The following COL26A1 variants were observed in gnomAD, a reference collection of about 807,000 sequenced individuals.
The protein encoded by COL26A1 is collagen type XXVI alpha 1 chain, also known as collagen alpha-1(XXVI) chain.
A neutral mutation model predicts 59.3 loss-of-function variants in COL26A1; 41 were observed. That is an observed-to-expected ratio of 0.69 (90% CI 0.54 to 0.90). COL26A1 has a LOEUF of 0.90. COL26A1 is among the 40% of genes least tolerant of loss of function. The pLI is 0.00. For synonymous variants in COL26A1, 266 were observed against 256.0 expected (o/e 1.04, Z -0.37); for missense variants, 612 against 602.3 (o/e 1.02, Z -0.17).
chr7:101,367,671 GAAAA>G (rs60293558), intron 1 of COL26A1, among the ~76,000 whole-genome samples: 1,183 of 111,704 alleles, frequency 0.011, 8 homozygotes, highest in African/African-American at 0.023. Context: ...TCTCAAAAAA[GAAAA>G]AAAAAAAAAA....
intron 3 of COL26A1, among the ~76,000 whole-genome samples, chr7:101,471,290 G>A (rs1233487064): frequency 6.6e-6 from 1 of 152,164 alleles, no homozygotes; most frequent in African/African-American, 2.4e-5. Flanking sequence ...TTTGAATAGG[G>A]TGGCTGATGT....
chr7:101,434,227 C>T (rs1792860822), intron 2 of COL26A1, among the ~76,000 whole-genome samples: 1 of 142,806 alleles, frequency 7.0e-6, no homozygotes, highest in Non-Finnish European at 1.5e-5. Context: ...TCTCTTTTTC[C>T]CTTCCTCCCT....
At chr7:101,500,808 G>A (rs1021466925) in intron 3 of COL26A1, among the ~76,000 whole-genome samples, 1 of 152,054 alleles carries the variant, frequency 6.6e-6, no homozygotes, top group African/African-American at 2.4e-5. Context: ...GCAACAGAGC[G>A]AGACGCTGTC....
intron 3 of COL26A1, among the ~76,000 whole-genome samples, chr7:101,477,028 G>A (rs1450550957): frequency 6.6e-6 from 1 of 151,866 alleles, no homozygotes; most frequent in African/African-American, 2.4e-5. Flanking sequence ...ATTTTTAGTA[G>A]AGACCAGATT....
chr7:101,465,151 C>G (rs1793727588), intron 3 of COL26A1, among the ~76,000 whole-genome samples: 1 of 151,716 alleles, frequency 6.6e-6, no homozygotes, highest in African/African-American at 2.4e-5. Flanking sequence ...AATCTTCCCA[C>G]CTTAGCCTCC....
chr7:101,487,313 C>T (rs928634145), intron 3 of COL26A1, among the ~76,000 whole-genome samples: 2 of 152,054 alleles, frequency 1.3e-5, no homozygotes, highest in African/African-American at 2.4e-5. Flanking sequence ...CAGCTTTACC[C>T]TTTGCTCATG....
intron 2 of COL26A1, among the ~76,000 whole-genome samples, chr7:101,429,390 T>C (rs1327680465): frequency 1.3e-5 from 2 of 152,116 alleles, no homozygotes; most frequent in Non-Finnish European, 2.9e-5. Flanking sequence ...GTCTCCTTTA[T>C]TGAATTGCTT....
intron 3 of COL26A1, among the ~76,000 whole-genome samples, chr7:101,523,406 AT>A (rs1027163360): frequency 6.6e-6 from 1 of 152,070 alleles, no homozygotes. Flanking sequence ...TACTTTATCA[AT>A]TTTTTTAAAT....
At chr7:101,375,703 A>G (rs541774404) in intron 1 of COL26A1, among the ~76,000 whole-genome samples, 45 of 149,750 alleles carry the variant, frequency 3.0e-4, no homozygotes, top group African/African-American at 1.1e-3. Flanking sequence ...GAAAAAGAAA[A>G]TTGGCCAGGC....
intron 3 of COL26A1, among the ~76,000 whole-genome samples, chr7:101,529,491 A>G (rs1003921476): frequency 4.6e-5 from 7 of 151,872 alleles, no homozygotes; most frequent in Non-Finnish European, 1.0e-4. Context: ...CTGGTCTCGA[A>G]CTCCTGATCC....
chr7:101,373,477 T>C (rs1289949770), intron 1 of COL26A1, among the ~76,000 whole-genome samples: 1 of 152,184 alleles, frequency 6.6e-6, no homozygotes, highest in African/African-American at 2.4e-5. Context: ...CTCCTGGACT[T>C]GCACGGATCA....
In COL26A1 at chr7:101,489,656, TCTTTCTTCCTTC is replaced by T. The variant is rs1490063203; in HGVS notation, c.385+41873_385+41884del. ...TTCTTTCTTTCTTTCTTTCTTTCTTTCTTTCTTCCTTCCTTCCTTCCTTCCTTTCTTTCTTTC... is the reference window on the plus strand; with the variant it reads ...TTCTTTCTTTCTTTCTTTCTTTCTTTCTTCCTTCCTTCCTTTCTTTCTTTC... On this transcript the variant is annotated intron_variant, in intron 3 of 12. Coordinates refer to ENST00000313669, the MANE Select transcript of COL26A1 (RefSeq NM_001278563.3). Among the ~76,000 whole-genome samples, 51 of 67,418 alleles carry T rather than the reference TCTTTCTTCCTTC, an allele frequency of 7.6e-4. 1 individual carries two copies. Among genetic ancestry groups the T allele is most frequent in the African/African-American group, 1.1e-3 (9 of 7,934 alleles). The allele number at this position is 67,418 out of a possible 152,430, so 44.2% of individuals were successfully genotyped here. A position where few individuals can be genotyped will look rare whatever the true frequency, so the allele number is the denominator to read the frequency against.
intron 1 of COL26A1, among the ~76,000 whole-genome samples, chr7:101,376,619 G>A (rs1399803901): frequency 6.6e-6 from 1 of 152,242 alleles, no homozygotes; most frequent in African/African-American, 2.4e-5. Flanking sequence ...AGGGGAGCCG[G>A]AGAAAACAGA....
intron 5 of COL26A1, among the ~76,000 whole-genome samples, chr7:101,543,328 C>T (rs1462398936): frequency 6.6e-6 from 1 of 152,040 alleles, no homozygotes; most frequent in African/African-American, 2.4e-5. Flanking sequence ...CACCACTATG[C>T]CCGGTTAACT....
intron 3 of COL26A1, among the ~76,000 whole-genome samples, chr7:101,451,707 CTTT>C (rs60481013): frequency 5.0e-5 from 7 of 139,136 alleles, no homozygotes; most frequent in Admixed American, 1.5e-4. Context: ...TCATTTGCAT[CTTT>C]TTTTTTTTTT....
chr7:101,363,902 C>T (rs1265439451), intron 1 of COL26A1, among the ~76,000 whole-genome samples: 1 of 152,138 alleles, frequency 6.6e-6, no homozygotes, highest in Non-Finnish European at 1.5e-5. Flanking sequence ...CACCCCTCTC[C>T]TATCAGCGGC....
chr7:101,406,956 AAAC>A (rs1792141912), intron 1 of COL26A1, among the ~76,000 whole-genome samples: 1 of 104,130 alleles, frequency 9.6e-6, no homozygotes, highest in Non-Finnish European at 2.5e-5. Flanking sequence ...TCCCTGTAAA[AAAC>A]AAACAAGAAA....
chr7:101,373,160 G>A (rs1032797850), intron 1 of COL26A1, among the ~76,000 whole-genome samples: 8 of 152,164 alleles, frequency 5.3e-5, no homozygotes, highest in Non-Finnish European at 1.0e-4. Context: ...GATAGTGGAA[G>A]GAGGGAGGCC....
intron 3 of COL26A1, among the ~76,000 whole-genome samples, chr7:101,472,642 C>T (rs1008062): frequency 0.36 from 54,394 of 152,026 alleles, 10,409 homozygotes; most frequent in Middle Eastern, 0.47. Flanking sequence ...CGGGAAAATG[C>T]CTCCCAGGAG....
Sources: gnomAD v4.1 joint callset for allele counts (sites outside exome capture counted in the v4.1 genomes callset) on GRCh38, gnomAD v4.1.1 for gene constraint, MANE v1.5 for transcripts, NCBI Gene and HGNC (gene_info 2026-07-23, HGNC 2026-07-21) for gene names.